Variants in CAST observed in about 807,000 individuals in gnomAD.
CAST encodes the protein calpastatin, also known as MIR583 host.
CAST carries 76 observed loss-of-function variants against 119.6 expected under a neutral mutation model. The observed-to-expected ratio is 0.64, with a 90% confidence interval of 0.53 to 0.77. CAST has a LOEUF of 0.77. Among genes scored for constraint, CAST ranks in the 30% least tolerant of loss-of-function variants. The pLI is 0.00. For missense variants in CAST, 953 were observed against 946.5 expected (o/e 1.01, Z -0.09); for synonymous variants, 319 against 331.6 (o/e 0.96, Z 0.41).
the CAST span, among the ~76,000 whole-genome samples, chr5:96,052,239 A>G: frequency 6.6e-6 from 1 of 152,236 alleles, no homozygotes; most frequent in Non-Finnish European, 1.5e-5. Context: ...AAATGTGACC[A>G]TCACGTGGGC....
chr5:96,082,867 C>T, the CAST span, among the ~76,000 whole-genome samples: 3 of 152,188 alleles, frequency 2.0e-5, no homozygotes, highest in East Asian at 1.9e-4. Context: ...TAGAATTTCA[C>T]TCCCTACAGA....
At chr5:96,417,142 C>T in the CAST span, among the ~76,000 whole-genome samples, 1 of 152,102 alleles carries the variant, frequency 6.6e-6, no homozygotes, top group Non-Finnish European at 1.5e-5. Context: ...ACTATACTGG[C>T]CATCTATTAA....
At position 96,530,833 on chromosome 5, in the gene CAST, C is replaced by A. The variant is rs558898617; in HGVS notation, c.60+953C>A. ...TTGAGAATGGCTCTTACTCTGTCTCCCAGGCTGGAGTACAGTGGCACAATC... is the reference window on the plus strand; with the variant it reads ...TTGAGAATGGCTCTTACTCTGTCTCACAGGCTGGAGTACAGTGGCACAATC... On this transcript the variant is annotated intron_variant, in intron 1 of 11. Coordinates refer to the CAST transcript ENST00000505143. Among the ~76,000 whole-genome samples the A allele has an allele frequency of 4.9e-4, 75 of 152,146 alleles. 1 individual carries two copies. Among genetic ancestry groups the A allele is most frequent in the African/African-American group, 1.7e-3 (69 of 41,514 alleles).
intron 10 of CAST, among the ~76,000 whole-genome samples, chr5:96,737,195 G>A (rs964325356): frequency 6.6e-6 from 1 of 152,176 alleles, no homozygotes; most frequent in African/African-American, 2.4e-5. Flanking sequence ...GGAGACATGA[G>A]CCAAACCATA....
At chr5:96,307,428 A>T in the CAST span, among the ~76,000 whole-genome samples, 4 of 152,146 alleles carry the variant, frequency 2.6e-5, no homozygotes, top group Non-Finnish European at 5.9e-5. Context: ...GTGTCTTTTA[A>T]TTGGGGCATC....
At chr5:96,081,734 A>G in the CAST span, among the ~76,000 whole-genome samples, 2 of 152,086 alleles carry the variant, frequency 1.3e-5, no homozygotes, top group African/African-American at 4.8e-5. Context: ...AGCCTGGAGA[A>G]ATGGAACTCT....
the CAST span, among the ~76,000 whole-genome samples, chr5:96,004,319 T>G: frequency 1.3e-5 from 2 of 152,240 alleles, no homozygotes; most frequent in Non-Finnish European, 1.5e-5. Flanking sequence ...CATATCTTGT[T>G]CCTTCAATCT....
the CAST span, among the ~76,000 whole-genome samples, chr5:96,152,096 G>A: frequency 6.6e-6 from 1 of 152,176 alleles, no homozygotes; most frequent in African/African-American, 2.4e-5. Flanking sequence ...CTAGGGCTCT[G>A]TTTATGTGTA....
At chr5:96,426,025 A>G in the CAST span, 1 of 745,006 alleles carries the variant, frequency 1.3e-6, no homozygotes, top group South Asian at 1.5e-5. Flanking sequence ...ATCAGAGTTC[A>G]GGCAGCTCTG....
At chr5:96,722,487 A>G (rs1758465110) in intron 3 of CAST, 152 bp from the exon 4 acceptor site, 3 of 623,450 alleles carry the variant, frequency 4.8e-6, no homozygotes. Flanking sequence ...GGCTTTCACT[A>G]CTGGACACCA....
At chr5:96,484,989 A>G in the CAST span, among the ~76,000 whole-genome samples, 1 of 152,214 alleles carries the variant, frequency 6.6e-6, no homozygotes, top group Non-Finnish European at 1.5e-5. Context: ...CAAAGATTGA[A>G]GTAAACAATT....
At chr5:96,635,016 A>T (rs555576476) in intron 1 of CAST, among the ~76,000 whole-genome samples, 2 of 151,666 alleles carry the variant, frequency 1.3e-5, no homozygotes, top group South Asian at 4.1e-4. Flanking sequence ...GTATCAGAGA[A>T]ATTCTCAGAA....
At chr5:96,619,644 C>G (rs1448156222) in intron 1 of CAST, among the ~76,000 whole-genome samples, 1 of 152,204 alleles carries the variant, frequency 6.6e-6, no homozygotes, top group African/African-American at 2.4e-5. Flanking sequence ...TACAGCTTCA[C>G]TCCTGAAGCC....
At chr5:96,284,586 G>A in the CAST span, among the ~76,000 whole-genome samples, 1 of 152,150 alleles carries the variant, frequency 6.6e-6, no homozygotes, top group Non-Finnish European at 1.5e-5. Context: ...GAGCGTGATC[G>A]ATCTGCAGCC....
intron 2 of CAST, among the ~76,000 whole-genome samples, chr5:96,684,053 G>T (rs560136276): frequency 1.3e-5 from 2 of 152,196 alleles, no homozygotes; most frequent in Non-Finnish European, 2.9e-5. Context: ...GATACATTCT[G>T]AGTGTAGGGT....
At chr5:96,489,749 A>G in the CAST span, among the ~76,000 whole-genome samples, 1 of 152,158 alleles carries the variant, frequency 6.6e-6, no homozygotes, top group African/African-American at 2.4e-5. Flanking sequence ...TACTTAGACA[A>G]TAGGCTCCAA....
the CAST span, among the ~76,000 whole-genome samples, chr5:96,017,511 A>G: frequency 6.6e-6 from 1 of 152,206 alleles, no homozygotes; most frequent in African/African-American, 2.4e-5. Flanking sequence ...CATTTGTAAC[A>G]AATTTCAGTT....
the CAST span, among the ~76,000 whole-genome samples, chr5:96,019,700 C>A: frequency 6.6e-6 from 1 of 152,200 alleles, no homozygotes; most frequent in Non-Finnish European, 1.5e-5. Flanking sequence ...CCCATAAATT[C>A]ATGTTCTACT....
At chr5:96,128,803 A>T in the CAST span, among the ~76,000 whole-genome samples, 2 of 152,054 alleles carry the variant, frequency 1.3e-5, no homozygotes, top group Non-Finnish European at 2.9e-5. Flanking sequence ...GTTTAAATGG[A>T]TCCCCCAAAA....
Sources: gnomAD v4.1 joint callset for allele counts (sites outside exome capture counted in the v4.1 genomes callset) on GRCh38, gnomAD v4.1.1 for gene constraint, MANE v1.5 for transcripts, NCBI Gene and HGNC (gene_info 2026-07-23, HGNC 2026-07-21) for gene names.